MID1: variants seen among roughly 807,000 people sequenced by gnomAD.
MID1 encodes E3 ubiquitin-protein ligase Midline-1.
MID1 carries 7 observed loss-of-function variants against 40.4 expected under a neutral mutation model. That is an observed-to-expected ratio of 0.17 (90% CI 0.10 to 0.33). The LOEUF (loss-of-function observed/expected upper bound fraction) is 0.33, where lower values mean the gene tolerates loss of function less well. MID1 is among the 10% of genes least tolerant of loss of function. The probability of loss-of-function intolerance (pLI) is 1.00; values close to 1 mark genes in which losing one functional copy is unlikely to be tolerated. For missense variants in MID1, 367 were observed against 558.5 expected, an observed-to-expected ratio of 0.66 and a Z score of 3.46; for synonymous variants, 229 against 221.2, an observed-to-expected ratio of 1.04 and a Z score of -0.31.
intron 1 of MID1, among the ~76,000 whole-genome samples, chrX:10,721,845 G>A (rs1321655925): frequency 9.0e-6 from 1 of 111,102 alleles, no homozygotes; most frequent in Admixed American, 9.6e-5. Flanking sequence ...GAGGTGGGAA[G>A]ATCGCTTGAG....
In MID1 at chrX:10,523,082, A is replaced by T. The variant is rs1424993424; in HGVS notation, c.756+10T>A. 8.7e-7 allele frequency: 1 copy of T among 1,152,220 alleles called. No individual in the cohort carries two copies. Among genetic ancestry groups the T allele is most frequent in the Admixed American group, 2.2e-5 (1 of 45,467 alleles). 95.0% of individuals were successfully genotyped at this position (1,152,220 alleles called of 1,213,427 possible). ...TGAAACATACCATACAGAAATACAG[A>T]GATACTCACTTCAACATGTTGACAG... On this transcript the variant is annotated intron_variant, in intron 3 of 9. Coordinates refer to ENST00000317552, the MANE Select transcript of MID1 (RefSeq NM_000381.4).
At chrX:10,571,007 G>T (rs961640215) in intron 1 of MID1, among the ~76,000 whole-genome samples, 9 of 112,346 alleles carry the variant, frequency 8.0e-5, no homozygotes, top group African/African-American at 2.9e-4. Context: ...AGTTTCCAGT[G>T]CTAATGGGAA....
chrX:10,640,734 A>G (rs1331317994), intron 1 of MID1, among the ~76,000 whole-genome samples: 11 of 110,960 alleles, frequency 9.9e-5, no homozygotes, highest in Non-Finnish European at 1.9e-4. Flanking sequence ...ACCACACCAC[A>G]CTTATTCCAA....
At chrX:10,772,548 G>T (rs1393963022) in intron 1 of MID1, among the ~76,000 whole-genome samples, 1 of 106,916 alleles carries the variant, frequency 9.4e-6, no homozygotes. Context: ...CCTGTTCCCT[G>T]AATAACCCAT....
chrX:10,495,714 A>AGT (rs1031850401), intron 3 of MID1, 23 bp from the exon 4 acceptor site: 3 of 1,090,818 alleles, frequency 2.8e-6, no homozygotes. Context: ...TACAATGGTA[A>AGT]GTGTTAATTT....
chrX:10,812,505 T>C (rs1198473427), intron 1 of MID1, among the ~76,000 whole-genome samples: 1 of 111,410 alleles, frequency 9.0e-6, no homozygotes, highest in African/African-American at 3.3e-5. Context: ...CCTTGGTCCC[T>C]CTCTCTCTTT....
At chrX:10,515,353 T>G (rs1195517168) in intron 3 of MID1, among the ~76,000 whole-genome samples, 4 of 111,919 alleles carry the variant, frequency 3.6e-5, no homozygotes, top group African/African-American at 1.3e-4. Context: ...AACACCTCAC[T>G]CTCATCCTTT....
At chrX:10,654,312 G>A (rs781591780) in intron 1 of MID1, among the ~76,000 whole-genome samples, 2 of 112,299 alleles carry the variant, frequency 1.8e-5, no homozygotes, top group Non-Finnish European at 3.8e-5. Flanking sequence ...AATAGCATTA[G>A]CTAGTTTTGC....
At chrX:10,796,673 G>A (rs2043970308) in intron 1 of MID1, among the ~76,000 whole-genome samples, 1 of 110,449 alleles carries the variant, frequency 9.1e-6, no homozygotes. Context: ...CTTCATCCGA[G>A]ATGGTAGGTG....
chrX:10,740,609 GTTTC>G (rs1280359499), intron 1 of MID1, among the ~76,000 whole-genome samples: 72 of 112,113 alleles, frequency 6.4e-4, no homozygotes, highest in African/African-American at 2.3e-3. Context: ...CTTTGGACCA[GTTTC>G]TTTCCTTTCT....
chrX:10,617,771 C>T (rs1935863646), intron 1 of MID1, among the ~76,000 whole-genome samples: 1 of 112,177 alleles, frequency 8.9e-6, no homozygotes, highest in Non-Finnish European at 1.9e-5. Flanking sequence ...CCATGCTTTT[C>T]CTTTTGCCTG....
At chrX:10,475,168 C>CAAAGG in intron 5 of MID1, 1 of 332,944 alleles carries the variant, frequency 3.0e-6, no homozygotes, top group Non-Finnish European at 5.8e-6. Flanking sequence ...TGATCCACTT[C>CAAAGG]AAAGGAGAGT....
At chrX:10,644,047 C>G (rs1225053368) in intron 1 of MID1, among the ~76,000 whole-genome samples, 1 of 111,080 alleles carries the variant, frequency 9.0e-6, no homozygotes, top group Non-Finnish European at 1.9e-5. Flanking sequence ...GGAGATATAC[C>G]TTATGTAAAT....
intron 1 of MID1, among the ~76,000 whole-genome samples, chrX:10,590,328 C>G (rs1307749274): frequency 9.0e-6 from 1 of 111,312 alleles, no homozygotes; most frequent in South Asian, 4.0e-4. Flanking sequence ...GAGGGTCTGT[C>G]TCTCTTCTCT....
intron 1 of MID1, among the ~76,000 whole-genome samples, chrX:10,613,728 TATATAGAG>T (rs1208955246): frequency 1.2e-3 from 48 of 40,053 alleles, no homozygotes; most frequent in Admixed American, 3.6e-3. Context: ...TATATATATA[TATATAGAG>T]AGAGAGAGAG....
intron 6 of MID1, among the ~76,000 whole-genome samples, chrX:10,470,524 C>T (rs772103366): frequency 7.1e-5 from 8 of 111,996 alleles, no homozygotes; most frequent in Admixed American, 3.8e-4. Context: ...TTAGATGTTT[C>T]GATGACTTAC....
intron 2 of MID1, among the ~76,000 whole-genome samples, chrX:10,548,581 C>T (rs1405653240): frequency 3.6e-5 from 4 of 111,607 alleles, no homozygotes; most frequent in East Asian, 2.8e-4. Flanking sequence ...AACATAGATA[C>T]GAAGTAATTG....
chrX:10,807,866 G>C (rs1048318630), intron 1 of MID1, among the ~76,000 whole-genome samples: 1 of 111,821 alleles, frequency 8.9e-6, no homozygotes, highest in Non-Finnish European at 1.9e-5. Flanking sequence ...GAACATTTTT[G>C]GAGGCACATC....
At chrX:10,514,054 G>C (rs893155184) in intron 3 of MID1, among the ~76,000 whole-genome samples, 7 of 111,550 alleles carry the variant, frequency 6.3e-5, no homozygotes, top group African/African-American at 2.3e-4. Flanking sequence ...CAGCCTTTGG[G>C]CCTCCAATTA....
Sources: gnomAD v4.1 joint callset for allele counts (sites outside exome capture counted in the v4.1 genomes callset) on GRCh38, gnomAD v4.1.1 for gene constraint, MANE v1.5 for transcripts, NCBI Gene and HGNC (gene_info 2026-07-23, HGNC 2026-07-21) for gene names.